The following PTPRG variants were observed in gnomAD, a reference collection of about 807,000 sequenced individuals.
PTPRG encodes protein tyrosine phosphatase receptor type G.
Under a neutral mutation model 165.3 loss-of-function variants are expected in PTPRG, and 102 were observed. The ratio of observed to expected loss-of-function variants is 0.62; its 90% confidence interval spans 0.53 to 0.73. The LOEUF is 0.73. Among genes scored for constraint, PTPRG ranks in the 30% least tolerant of loss-of-function variants. PTPRG has a pLI of 0.00. For synonymous variants in PTPRG, 675 were observed against 669.5 expected (o/e 1.01, Z -0.13); for missense variants, 1,866 against 1,861.4 (o/e 1.00, Z -0.05).
At chr3:61,818,446 A>C (rs2035852978) in intron 2 of PTPRG, among the ~76,000 whole-genome samples, 1 of 152,148 alleles carries the variant, frequency 6.6e-6, no homozygotes. Context: ...AGAGGAGGAG[A>C]AGATTTTAAT....
chr3:61,600,053 A>G (rs1436412791), intron 1 of PTPRG, among the ~76,000 whole-genome samples: 2 of 151,584 alleles, frequency 1.3e-5, no homozygotes, highest in Non-Finnish European at 2.9e-5. Context: ...CCAGCTAATC[A>G]AGAGGCTGAG....
intron 2 of PTPRG, among the ~76,000 whole-genome samples, chr3:61,845,674 C>T (rs951194042): frequency 7.2e-5 from 11 of 152,112 alleles, no homozygotes; most frequent in South Asian, 4.1e-4. Context: ...CTCTGTTACA[C>T]GGGGTGGCTG....
chr3:61,800,207 G>C (rs1299967490), intron 2 of PTPRG, among the ~76,000 whole-genome samples: 1 of 152,120 alleles, frequency 6.6e-6, no homozygotes, highest in Non-Finnish European at 1.5e-5. Flanking sequence ...TATATTACTG[G>C]TTTTAAGCTG....
intron 1 of PTPRG, among the ~76,000 whole-genome samples, chr3:61,659,875 C>T (rs534600889): frequency 5.3e-5 from 8 of 152,002 alleles, no homozygotes; most frequent in African/African-American, 1.7e-4. Context: ...ATAAGGAAAA[C>T]TAGAGTTTTT....
intron 5 of PTPRG, among the ~76,000 whole-genome samples, chr3:62,092,843 A>G (rs1389132328): frequency 6.6e-6 from 1 of 152,242 alleles, no homozygotes; most frequent in Non-Finnish European, 1.5e-5. Flanking sequence ...AGTGATAAAC[A>G]TAAGTTACCA....
chr3:61,753,337 A>C (rs1228806072), intron 2 of PTPRG, among the ~76,000 whole-genome samples: 2 of 152,164 alleles, frequency 1.3e-5, no homozygotes, highest in East Asian at 3.8e-4. Flanking sequence ...AATTGTACTG[A>C]AAAAATGCAG....
chr3:61,955,686 A>G (rs1372424021), intron 2 of PTPRG, among the ~76,000 whole-genome samples: 1 of 152,134 alleles, frequency 6.6e-6, no homozygotes, highest in Non-Finnish European at 1.5e-5. Flanking sequence ...TGGCACGGGA[A>G]TGTTCTTGGT....
At chr3:62,186,567 C>CCTTTTTTTT (rs1705895088) in intron 8 of PTPRG, among the ~76,000 whole-genome samples, 2 of 117,542 alleles carry the variant, frequency 1.7e-5, no homozygotes, top group African/African-American at 7.0e-5. Flanking sequence ...TTTTCTTTTC[C>CCTTTTTTTT]TTTTTTTTTT....
intron 1 of PTPRG, among the ~76,000 whole-genome samples, chr3:61,680,407 T>A (rs1703391138): frequency 6.7e-6 from 1 of 150,144 alleles, no homozygotes; most frequent in African/African-American, 2.4e-5. Context: ...TTGCCCAGGC[T>A]GAGTATCAAG....
intron 4 of PTPRG, among the ~76,000 whole-genome samples, chr3:62,055,551 C>T (rs1428282655): frequency 6.6e-6 from 1 of 152,152 alleles, no homozygotes; most frequent in Non-Finnish European, 1.5e-5. Context: ...CTAGGGTTGC[C>T]TTGACAAATT....
chr3:62,205,792 G>A (rs951861542), intron 12 of PTPRG, among the ~76,000 whole-genome samples: 4 of 152,162 alleles, frequency 2.6e-5, no homozygotes, highest in African/African-American at 7.2e-5. Context: ...CGTTGACCAC[G>A]CTGAGGATTT....
chr3:61,669,688 C>T (rs1482728547), intron 1 of PTPRG, among the ~76,000 whole-genome samples: 2 of 152,186 alleles, frequency 1.3e-5, no homozygotes, highest in African/African-American at 4.8e-5. Context: ...TTTTTCTTAA[C>T]GTTCTGTAGG....
chr3:61,771,678 G>C (rs1468069833), intron 2 of PTPRG, among the ~76,000 whole-genome samples: 2 of 152,150 alleles, frequency 1.3e-5, no homozygotes, highest in Non-Finnish European at 2.9e-5. Flanking sequence ...TATGTGAACT[G>C]TGTTTGTTTG....
chr3:62,265,684 C>T (rs1320208389), intron 17 of PTPRG, among the ~76,000 whole-genome samples: 1 of 152,062 alleles, frequency 6.6e-6, no homozygotes, highest in Non-Finnish European at 1.5e-5. Flanking sequence ...CAAACCTCTC[C>T]CTAGTCTTTG....
chr3:61,847,870 A>T (rs1025199441), intron 2 of PTPRG, among the ~76,000 whole-genome samples: 2 of 152,214 alleles, frequency 1.3e-5, no homozygotes, highest in Non-Finnish European at 1.5e-5. Flanking sequence ...TGACGGACGA[A>T]TTTCTGATTC....
At chr3:61,718,281 T>G (rs2031902859) in intron 1 of PTPRG, among the ~76,000 whole-genome samples, 1 of 151,770 alleles carries the variant, frequency 6.6e-6, no homozygotes, top group Non-Finnish European at 1.5e-5. Context: ...AGGGAAGAAT[T>G]TGTTAGATCA....
chr3:62,263,570 ATATT>A (rs1701765130), intron 17 of PTPRG: 1 of 152,460 alleles, frequency 6.6e-6, no homozygotes, highest in African/African-American at 2.4e-5. Context: ...AGGGGCATAG[ATATT>A]TATAGTTAAC....
At chr3:61,943,704 C>G (rs1335874938) in intron 2 of PTPRG, among the ~76,000 whole-genome samples, 3 of 152,214 alleles carry the variant, frequency 2.0e-5, no homozygotes, top group South Asian at 2.1e-4. Context: ...CTGTCACCAT[C>G]ATGCCCTAAA....
chr3:61,635,318 C>A (rs1327772065), intron 1 of PTPRG, among the ~76,000 whole-genome samples: 1 of 148,968 alleles, frequency 6.7e-6, no homozygotes, highest in African/African-American at 2.5e-5. Context: ...TTACCAATTA[C>A]CCTATAAAGT....
Sources: allele counts gnomAD v4.1 joint callset (sites outside exome capture counted in the v4.1 genomes callset), GRCh38; gene constraint gnomAD v4.1.1; transcripts MANE v1.5; gene names NCBI Gene and HGNC (gene_info 2026-07-23, HGNC 2026-07-21).